LAMA2: variants seen among roughly 807,000 people sequenced by gnomAD.
The protein encoded by LAMA2 is laminin subunit alpha 2, also known as laminin subunit alpha-2.
LAMA2 carries 269 observed loss-of-function variants against 364.8 expected under a neutral mutation model. The ratio of observed to expected loss-of-function variants is 0.74; its 90% CI spans 0.67 to 0.82. LAMA2 has a LOEUF of 0.82. Ranked by LOEUF, LAMA2 falls within the 40% of genes least tolerant of loss-of-function variation. The pLI is 0.00. For missense variants in LAMA2, 3,807 were observed against 3,873.2 expected (o/e 0.98, Z 0.45); for synonymous variants, 1,379 against 1,370.6 (o/e 1.01, Z -0.14).
intron 45 of LAMA2, among the ~76,000 whole-genome samples, chr6:129,446,519 G>GGAGGGGAGGGGAGGGGAGGGGAGGC (rs1782386062): frequency 2.0e-5 from 1 of 51,116 alleles, no homozygotes; most frequent in Non-Finnish European, 3.8e-5. Flanking sequence ...GGAGGAGAGG[G>GGAGGGGAGGGGAGGGGAGGGGAGGC]GAGGGGAGGG....
chr6:128,948,231 G>A (rs752858193), intron 1 of LAMA2, among the ~76,000 whole-genome samples: 29 of 152,076 alleles, frequency 1.9e-4, no homozygotes, highest in Non-Finnish European at 2.9e-5. Flanking sequence ...TTTGAGGCAG[G>A]GTCAGAAAGC....
At chr6:129,399,134 C>T (rs181516430) in intron 37 of LAMA2, among the ~76,000 whole-genome samples, 346 of 152,006 alleles carry the variant, frequency 2.3e-3, no homozygotes, top group Non-Finnish European at 3.6e-3. Context: ...TTAGCAACTC[C>T]CGGCAAAAGT....
At chr6:129,263,065 A>G (rs1787245481) in intron 15 of LAMA2, among the ~76,000 whole-genome samples, 2 of 152,148 alleles carry the variant, frequency 1.3e-5, no homozygotes, top group African/African-American at 2.4e-5. Context: ...GGGATATACT[A>G]TTAAAAAGAG....
In LAMA2 at chr6:129,297,817, G is replaced by A. The variant is rs1773285129; in HGVS notation, c.2989G>A (p.Asp997Asn). 1 of 1,613,866 alleles carries A rather than the reference G, an allele frequency of 6.2e-7. No individual in the cohort carries two copies. The highest frequency in any genetic ancestry group is 1.3e-5 in the African/African-American group (1 of 74,900). Residue 997 changes from aspartate to asparagine, a missense_variant, in exon 21 of 65, where the codon GAC (aspartate) becomes AAC (asparagine). Asp to Asn is a conservative substitution (Grantham distance 23, BLOSUM62 1). Transcript: ENST00000421865. ...CQPGVTGKKCDRCAHGYFNFQ... is the reference protein window; with the variant it reads ...CQPGVTGKKCNRCAHGYFNFQ... ...ACCTGGAGTCACAGGGAAGAAATGT[G>A]ACCGCTGTGCCCACGGCTATTTCAA... is the stretch of plus-strand genomic sequence containing the variant.
At chr6:129,487,030 T>C (rs1286990325) in intron 56 of LAMA2, among the ~76,000 whole-genome samples, 1 of 152,224 alleles carries the variant, frequency 6.6e-6, no homozygotes, top group Non-Finnish European at 1.5e-5. Flanking sequence ...AAAGCAGTTA[T>C]GGCAGCTGCT....
chr6:129,148,731 T>G (rs1165629930), intron 6 of LAMA2, among the ~76,000 whole-genome samples: 3 of 152,076 alleles, frequency 2.0e-5, no homozygotes, highest in Non-Finnish European at 4.4e-5. Context: ...CACTCCCAGC[T>G]GGGCCTTCCT....
At chr6:128,930,984 AG>A (rs1212901577) in intron 1 of LAMA2, among the ~76,000 whole-genome samples, 1 of 152,144 alleles carries the variant, frequency 6.6e-6, no homozygotes, top group Non-Finnish European at 1.5e-5. Context: ...CCTATTCTTA[AG>A]TAACAGTTCA....
chr6:129,287,766 G>C, intron 18 of LAMA2, 81 bp from the exon 19 acceptor site: 3 of 1,117,676 alleles, frequency 2.7e-6, no homozygotes, highest in Non-Finnish European at 4.1e-6. Context: ...CATCCTGGGA[G>C]AAGGGGAGAA....
chr6:128,973,277 T>C lies in LAMA2; in HGVS notation c.113-76641T>C, dbSNP rs1317571362. The stretch of plus-strand genomic sequence containing the variant: ...GAGCAGGATTCATAATTTTTTTTAC[T>C]GTGCAATTTTCCTACCTCTGGCTTT... On this transcript the variant is annotated intron_variant, in intron 1 of 64. Transcript: ENST00000421865. 2.0e-5 allele frequency among the ~76,000 whole-genome samples: 3 copies of C among 152,216 alleles called. No homozygotes were observed. The South Asian group carries it at 6.2e-4, about 31-fold the overall frequency.
At chr6:129,049,636 T>C (rs1039016091) in intron 1 of LAMA2, among the ~76,000 whole-genome samples, 2 of 152,118 alleles carry the variant, frequency 1.3e-5, no homozygotes, top group African/African-American at 4.8e-5. Flanking sequence ...TGTTTTAGAA[T>C]GTGTCCTAGA....
At chr6:129,330,598 G>T (rs56290964) in intron 29 of LAMA2, among the ~76,000 whole-genome samples, 33,617 of 86,368 alleles carry the variant, frequency 0.39, 5,017 homozygotes, top group Non-Finnish European at 0.44. Flanking sequence ...TTTGGTTTTT[G>T]TTTTTTTTTT....
intron 27 of LAMA2, among the ~76,000 whole-genome samples, chr6:129,319,137 C>A (rs545391524): frequency 5.3e-5 from 8 of 151,526 alleles, no homozygotes; most frequent in Non-Finnish European, 1.2e-4. Flanking sequence ...AGAAAGAAAT[C>A]AATATTATTA....
chr6:128,948,397 T>G (rs1041656041), intron 1 of LAMA2, among the ~76,000 whole-genome samples: 16 of 152,008 alleles, frequency 1.1e-4, no homozygotes, highest in Non-Finnish European at 1.8e-4. Flanking sequence ...AACACAGAAG[T>G]TTTTCAGTTT....
chr6:128,909,871 T>C (rs1183341404), intron 1 of LAMA2, among the ~76,000 whole-genome samples: 2 of 151,024 alleles, frequency 1.3e-5, no homozygotes, highest in Admixed American at 6.6e-5. Flanking sequence ...GTCTGTAAAG[T>C]ATTTTATTTC....
At chr6:129,471,428 T>C (rs191803049) in intron 51 of LAMA2, among the ~76,000 whole-genome samples, 12 of 152,040 alleles carry the variant, frequency 7.9e-5, no homozygotes, top group Admixed American at 3.9e-4. Flanking sequence ...TTTCTAAAAA[T>C]GCATATATTC....
rs1785940263 is a variant in LAMA2 at position 129,504,985 on chromosome 6, T to C, written c.8548-215T>C. Among the ~76,000 whole-genome samples the C allele has an allele frequency of 3.3e-5, 5 of 152,248 alleles. No individual in the cohort carries two copies. The South Asian group carries it at 1.0e-3, about 31-fold the overall frequency. On this transcript the variant is annotated intron_variant, in intron 60 of 64. Transcript: ENST00000421865. Reference sequence around the variant, plus strand: ...AAAACTGACCCAGGAAAATTTGGTATTCTTTTGGTGATAGTAGTCATGGAA... The same window carrying C: ...AAAACTGACCCAGGAAAATTTGGTACTCTTTTGGTGATAGTAGTCATGGAA...
At chr6:129,464,929 T>C (rs1208997380) in intron 50 of LAMA2, among the ~76,000 whole-genome samples, 1 of 152,016 alleles carries the variant, frequency 6.6e-6, no homozygotes, top group Admixed American at 6.6e-5. Context: ...GGATATGTCT[T>C]AGAAATTTTG....
Position 129,341,777 on chromosome 6 carries a change from A to G in LAMA2, c.4312-566A>G, listed in dbSNP as rs559388066. Among the ~76,000 whole-genome samples, 490 of 152,306 alleles carry G rather than the reference A, an allele frequency of 3.2e-3. 3 individuals are homozygous for G. Among genetic ancestry groups the G allele is most frequent in the Non-Finnish European group, 5.3e-3 (359 of 68,020 alleles). On this transcript the variant is annotated intron_variant, in intron 29 of 64. Transcript: ENST00000421865. ...AAAGGTGTTAAAGGGTATCACCCCA[A>G]TGTCTCTTATTATGCAAGCATAAGA... is the stretch of plus-strand genomic sequence containing the variant.
At chr6:128,912,516 C>G (rs1381657578) in intron 1 of LAMA2, among the ~76,000 whole-genome samples, 1 of 152,032 alleles carries the variant, frequency 6.6e-6, no homozygotes, top group African/African-American at 2.4e-5. Context: ...GGGTATTATT[C>G]ATTTGTTAGT....
Sources: allele counts gnomAD v4.1 joint callset (sites outside exome capture counted in the v4.1 genomes callset), GRCh38; gene constraint gnomAD v4.1.1; transcripts MANE v1.5; gene names NCBI Gene and HGNC (gene_info 2026-07-23, HGNC 2026-07-21).